The following INSYN2A variants were observed in gnomAD, a reference collection of about 807,000 sequenced individuals.
INSYN2A encodes the protein inhibitory synaptic factor 2A.
In INSYN2A, 17 loss-of-function variants were observed where a neutral mutation model predicts 39.4. That is an observed-to-expected ratio of 0.43 (90% confidence interval 0.30 to 0.65). The LOEUF is 0.65. INSYN2A is among the 30% of genes least tolerant of loss of function. The pLI, the probability that INSYN2A is intolerant of heterozygous loss-of-function variation, is 0.14. For synonymous variants in INSYN2A, 255 were observed against 265.7 expected, an observed-to-expected ratio of 0.96 and a Z score of 0.39; for missense variants, 595 against 631.2, an observed-to-expected ratio of 0.94 and a Z score of 0.61.
At chr10:127,167,269 C>T (rs78914588) in intron 4 of INSYN2A, among the ~76,000 whole-genome samples, 8,665 of 152,026 alleles carry the variant, frequency 0.057, 690 homozygotes, top group African/African-American at 0.18. Flanking sequence ...TTTGGGGTTT[C>T]GAACTTGAAT....
In INSYN2A at chr10:127,175,354, G is replaced by T. The variant is rs1223237561; in HGVS notation, c.1042C>A (p.Arg348=). The T allele has an allele frequency of 2.7e-5, 43 of 1,613,974 alleles. No individual in the cohort carries two copies. Among genetic ancestry groups the T allele is most frequent in the Non-Finnish European group, 3.4e-5 (40 of 1,180,048 alleles). Residue 348 remains arginine, a synonymous_variant, in exon 4 of 6, where the codon CGA becomes AGA. Transcript: ENST00000522781. This position sits in a 1 kb window ranked among gnomAD's most constrained non-coding sequence, Gnocchi z 6.3. ...TAVAAGEECQ[R]IVPHTEVVDL... ...ACCACTTCCGTATGAGGCACGATTC[G>T]TTGGCATTCTTCACCTGCAGCAACC...
intron 4 of INSYN2A, among the ~76,000 whole-genome samples, chr10:127,157,495 CA>C (rs1384824961): frequency 1.3e-5 from 2 of 152,248 alleles, no homozygotes; most frequent in African/African-American, 2.4e-5. Context: ...CTTTTACTCT[CA>C]ATCCTCTCCT....
At chr10:127,184,536 G>A (rs1338796021) in intron 2 of INSYN2A, among the ~76,000 whole-genome samples, 1 of 133,782 alleles carries the variant, frequency 7.5e-6, no homozygotes, top group Non-Finnish European at 1.5e-5. Flanking sequence ...AAGTGCACAC[G>A]TCGCTTCTCT....
chr10:127,137,218 C>G lies in INSYN2A; in HGVS notation c.*619G>C, dbSNP rs377730813. 1 of 152,528 alleles carries G rather than the reference C, an allele frequency of 6.6e-6. No individual in the cohort carries two copies. Among genetic ancestry groups the G allele is most frequent in the Non-Finnish European group, 1.5e-5 (1 of 68,032 alleles). The allele number at this position is 152,528 out of a possible 1,614,324, so 9.4% of individuals were successfully genotyped here. On this transcript the variant is annotated 3_prime_UTR_variant, in exon 6 of 6. Transcript: ENST00000522781. Reference sequence around the variant, plus strand: ...GAAGAGGATGCTAAATTTGAGGTGTCGTTGTGACACTGAGATGTGGTCACT... The same window carrying G: ...GAAGAGGATGCTAAATTTGAGGTGTGGTTGTGACACTGAGATGTGGTCACT...
At chr10:127,156,475 T>G (rs2053057198) in intron 4 of INSYN2A, among the ~76,000 whole-genome samples, 1 of 152,144 alleles carries the variant, frequency 6.6e-6, no homozygotes, top group East Asian at 1.9e-4. Context: ...TTGGAGTACT[T>G]CAGTAAGAAA....
chr10:127,147,453 ACCT>A (rs1443166478), intron 5 of INSYN2A, among the ~76,000 whole-genome samples: 2 of 151,486 alleles, frequency 1.3e-5, no homozygotes, highest in South Asian at 4.2e-4. Context: ...GGCTTCCTTC[ACCT>A]CCTCCTCGCC....
At chr10:127,145,431 A>T (rs560328724) in intron 5 of INSYN2A, among the ~76,000 whole-genome samples, 4 of 152,332 alleles carry the variant, frequency 2.6e-5, no homozygotes, top group African/African-American at 9.6e-5. Context: ...CGTAGCCTGC[A>T]GAACACTGCT....
At chr10:127,182,014 G>C (rs1036847662) in intron 2 of INSYN2A, among the ~76,000 whole-genome samples, 2 of 152,124 alleles carry the variant, frequency 1.3e-5, no homozygotes, top group African/African-American at 4.8e-5. Context: ...GACCAAAAAG[G>C]GGTGACTGGA....
intron 4 of INSYN2A, among the ~76,000 whole-genome samples, chr10:127,160,885 C>T (rs2053540381): frequency 6.6e-6 from 1 of 152,200 alleles, no homozygotes; most frequent in African/African-American, 2.4e-5. Context: ...TGTGCACTAG[C>T]TGTCTCTTCT....
intron 2 of INSYN2A, among the ~76,000 whole-genome samples, chr10:127,190,651 T>C (rs1159906446): frequency 2.0e-5 from 2 of 101,162 alleles, no homozygotes; most frequent in African/African-American, 3.7e-5. Context: ...AAATATTTAA[T>C]AGAAATCCTA....
Position 127,175,745 on chromosome 10 carries a change from G to C in INSYN2A, c.651C>G (p.Ser217=). The change falls in exon 4 of 6, where the codon TCC becomes TCG. Residue 217 remains serine (S), a synonymous_variant. Transcript: ENST00000522781. The surrounding 1 kb of genome is among the most constrained non-coding windows in gnomAD (Gnocchi z 6.3). The stretch of plus-strand genomic sequence containing the variant: ...CGAGCAGCTGGTAATCGGGCTCTTC[G>C]GATGGAGGCCGAGTGGAGTTTTGGA... The part of the protein sequence containing the change: ...AALQNSTRPP[S]EEPDYQLLGR... The C allele has an allele frequency of 1.2e-6, 2 of 1,614,070 alleles. No homozygotes were observed. The highest frequency in any genetic ancestry group is 1.7e-6 in the Non-Finnish European group (2 of 1,180,042).
chr10:127,155,233 CTT>C (rs2052922895), intron 4 of INSYN2A, among the ~76,000 whole-genome samples: 1 of 152,072 alleles, frequency 6.6e-6, no homozygotes, highest in Non-Finnish European at 1.5e-5. Context: ...TTGAAAATAA[CTT>C]TTGTTTTCCT....
Position 127,137,761 on chromosome 10 carries a change from A to T in INSYN2A, c.*76T>A. 7.2e-7 allele frequency: 1 copy of T among 1,389,498 alleles called. No individual in the cohort carries two copies. The highest frequency in any genetic ancestry group is 1.4e-5 in the South Asian group (1 of 72,238). 86.1% of individuals were successfully genotyped at this position (1,389,498 alleles called of 1,614,324 possible). A position where few individuals can be genotyped will look rare whatever the true frequency, so the allele number is the denominator to read the frequency against. ...TGGGCACCACAGTTCCCTCGATCCT[A>T]TTCATTTTGGAAAAGTATTGACTTA... On this transcript the variant is annotated 3_prime_UTR_variant, in exon 6 of 6. Coordinates refer to ENST00000522781, the MANE Select transcript of INSYN2A (RefSeq NM_001039762.3).
chr10:127,148,507 C>T (rs1265820224), intron 5 of INSYN2A, among the ~76,000 whole-genome samples: 2 of 152,130 alleles, frequency 1.3e-5, no homozygotes, highest in African/African-American at 4.8e-5. Context: ...AGAATTCAGG[C>T]CATTTTGTCG....
chr10:127,159,561 C>T (rs1035362070), intron 4 of INSYN2A, among the ~76,000 whole-genome samples: 1 of 152,032 alleles, frequency 6.6e-6, no homozygotes, highest in East Asian at 1.9e-4. Flanking sequence ...AGTGACAATT[C>T]GGGGCATGCA....
At chr10:127,172,145 C>A (rs2054634083) in intron 4 of INSYN2A, among the ~76,000 whole-genome samples, 1 of 152,028 alleles carries the variant, frequency 6.6e-6, no homozygotes, top group Non-Finnish European at 1.5e-5. Flanking sequence ...ACTAAAATAC[C>A]AACTTCCCAG....
intron 5 of INSYN2A, among the ~76,000 whole-genome samples, chr10:127,139,186 G>A (rs34453203): frequency 0.28 from 42,689 of 151,986 alleles, 6,275 homozygotes; most frequent in South Asian, 0.36. Flanking sequence ...CAGTGGAACC[G>A]TAAACCATTT....
chr10:127,137,942 C>T lies in INSYN2A; in HGVS notation c.1335G>A (p.Gln445=). ...LRKLHPIEET[Q]VIPSPYSQET... ...CCTGAGAGTAAGGCGAAGGTATGAC[C>T]TGAGTTTCCTCAATAGGGTGGAGTT... Residue 445 remains glutamine, a synonymous_variant, in exon 6 of 6, where the codon CAG becomes CAA. Coordinates refer to ENST00000522781, the MANE Select transcript of INSYN2A (RefSeq NM_001039762.3). 1 of 1,614,114 alleles carries T rather than the reference C, an allele frequency of 6.2e-7. No homozygotes were observed. Among genetic ancestry groups the T allele is most frequent in the Non-Finnish European group, 8.5e-7 (1 of 1,180,012 alleles).
At chr10:127,195,344 G>A (rs1201929183) in intron 1 of INSYN2A, among the ~76,000 whole-genome samples, 1 of 152,148 alleles carries the variant, frequency 6.6e-6, no homozygotes, top group Non-Finnish European at 1.5e-5. Flanking sequence ...CGCCTGTCCC[G>A]GTCTGACTCG....
Sources: allele counts gnomAD v4.1 joint callset (sites outside exome capture counted in the v4.1 genomes callset), GRCh38; gene constraint gnomAD v4.1.1; non-coding constraint Gnocchi (gnomAD v3.1); transcripts MANE v1.5; gene names NCBI Gene and HGNC (gene_info 2026-07-23, HGNC 2026-07-21).